NDUFA7: variants seen among roughly 807,000 people sequenced by gnomAD.
NDUFA7 encodes the protein NADH dehydrogenase [ubiquinone] 1 alpha subcomplex subunit 7.
Under a neutral mutation model 14.2 loss-of-function variants are expected in NDUFA7, and 18 were observed. That is an observed-to-expected ratio of 1.27 (90% CI 0.88 to 1.88). The LOEUF (loss-of-function observed/expected upper bound fraction) is 1.88, where lower values mean the gene tolerates loss of function less well. Ranked by LOEUF, NDUFA7 falls within the 40% of genes most tolerant of loss-of-function variation. NDUFA7 has a pLI of 0.00. For synonymous variants in NDUFA7, 75 were observed against 62.1 expected (o/e 1.21, Z -0.98); for missense variants, 172 against 147.3 (o/e 1.17, Z -0.87).
At chr19:8,310,944 G>A (rs1280937401), downstream of NDUFA7, among the ~76,000 whole-genome samples, 1 of 152,162 alleles carries the variant, frequency 6.6e-6, no homozygotes, top group Non-Finnish European at 1.5e-5. Flanking sequence ...AGCCCAGGAG[G>A]CAGAGGTTGC....
At chr19:8,312,979 T>G (rs377018184) in intron 3 of NDUFA7, among the ~76,000 whole-genome samples, 22 of 152,180 alleles carry the variant, frequency 1.4e-4, no homozygotes, top group African/African-American at 3.4e-4. Flanking sequence ...TGTATTTCAG[T>G]AGAGGCAGGG....
At chr19:8,313,097 TA>T (rs1451378435) in intron 3 of NDUFA7, among the ~76,000 whole-genome samples, 7 of 149,594 alleles carry the variant, frequency 4.7e-5, no homozygotes, top group Middle Eastern at 7.3e-3. Context: ...ATGCCCAGCC[TA>T]AAAAATTTCT....
intron 3 of NDUFA7, among the ~76,000 whole-genome samples, chr19:8,313,560 T>C (rs1484889552): frequency 6.6e-6 from 1 of 152,198 alleles, no homozygotes; most frequent in East Asian, 1.9e-4. Flanking sequence ...GAGCAGGCCC[T>C]GCCTGACCTC....
intron 2 of NDUFA7, among the ~76,000 whole-genome samples, chr19:8,318,843 C>T (rs911888973): frequency 1.3e-5 from 2 of 151,090 alleles, no homozygotes; most frequent in Admixed American, 1.3e-4. Context: ...TGGTGGTGCA[C>T]GCCTGTAGCC....
At position 8,311,475 on chromosome 19, in the gene NDUFA7, A is replaced by G. The variant is rs1347179498; in HGVS notation, c.*30T>C. 2 of 1,554,040 alleles carry G rather than the reference A, an allele frequency of 1.3e-6. No individual in the cohort carries two copies. The highest frequency in any genetic ancestry group is 3.7e-5 in the Admixed American group (2 of 53,436). On this transcript the variant is annotated 3_prime_UTR_variant, in exon 4 of 4. Coordinates refer to ENST00000301457, the MANE Select transcript of NDUFA7 (RefSeq NM_005001.5). ...TCCCTGGAGGAAATCCAAGGAGGCA[A>G]AGTAGTCGGGTGGCCGTGAGGGTGC... is the stretch of plus-strand genomic sequence containing the variant.
rs754365850 is a variant in NDUFA7 at position 8,316,648 on chromosome 19, G to A, written c.102-3C>T. 1.2e-6 allele frequency: 2 copies of A among 1,613,632 alleles called. No individual in the cohort carries two copies. The highest frequency in any genetic ancestry group is 2.7e-5 in the African/African-American group (2 of 74,888). ...GGAGCTTGGGAGGAGGCTGAGTTCT[G>A]AGGGGAAAAAAGATGAGCACTGAAG... On this transcript the variant is annotated splice_polypyrimidine_tract_variant and splice_region_variant and intron_variant, in intron 2 of 3. Coordinates refer to ENST00000301457, the MANE Select transcript of NDUFA7 (RefSeq NM_005001.5).
chr19:8,318,776 T>A lies in NDUFA7; in HGVS notation c.101+2081A>T, dbSNP rs188132977. ...ATCACGAGGTCAAGAGATCAGACCA[T>A]CCTGGCAAACATGGTGAAACCCCGT... On this transcript the variant is annotated intron_variant, in intron 2 of 3. Transcript: ENST00000301457. Among the ~76,000 whole-genome samples the A allele has an allele frequency of 6.3e-5, 9 of 142,100 alleles. No individual in the cohort carries two copies. In the East Asian group the frequency reaches 2.2e-3, roughly 35 times the overall value. 93.2% of individuals were successfully genotyped at this position (142,100 alleles called of 152,430 possible). A position where few individuals can be genotyped will look rare whatever the true frequency, so the allele number is the denominator to read the frequency against.
rs1176820610 is a variant in NDUFA7 at position 8,316,659 on chromosome 19, A to G, written c.102-14T>C. ...GGAGGCTGAGTTCTGAGGGGAAAAAAGATGAGCACTGAAGCAAAGAGACAG... is the reference window on the plus strand; with the variant it reads ...GGAGGCTGAGTTCTGAGGGGAAAAAGGATGAGCACTGAAGCAAAGAGACAG... On this transcript the variant is annotated splice_polypyrimidine_tract_variant and intron_variant, in intron 2 of 3. Coordinates refer to ENST00000301457, the MANE Select transcript of NDUFA7 (RefSeq NM_005001.5). 6.2e-7 allele frequency: 1 copy of G among 1,613,490 alleles called. No homozygotes were observed. The highest frequency in any genetic ancestry group is 1.3e-5 in the African/African-American group (1 of 75,038).
chr19:8,316,484 GGAGATCCTCACCTCTCT>G lies in NDUFA7; in HGVS notation c.246_251+11del. 6.2e-7 allele frequency: 1 copy of G among 1,613,540 alleles called. No homozygotes were observed. The highest frequency in any genetic ancestry group is 8.5e-7 in the Non-Finnish European group (1 of 1,179,800). On this transcript the variant is annotated splice_donor_variant and splice_donor_5th_base_variant and coding_sequence_variant and intron_variant, in exon 3 of 4. Transcript: ENST00000301457. LOFTEE classifies it high-confidence loss of function. ...CATGGGGGCTGTGGTGAGCAGCGCT[GGAGATCCTCACCTCTCT>G]GCTGGCTTGCCTGACACCAGCGCCT... is the stretch of plus-strand genomic sequence containing the variant.
chr19:8,313,013 T>C (rs751858337), intron 3 of NDUFA7, among the ~76,000 whole-genome samples: 7 of 152,082 alleles, frequency 4.6e-5, no homozygotes, highest in Non-Finnish European at 7.4e-5. Flanking sequence ...GCCAGGCTGG[T>C]GTCGATCTCC....
chr19:8,309,181 G>C (rs2232765), downstream of NDUFA7, among the ~76,000 whole-genome samples: 62,509 of 151,574 alleles, frequency 0.41, 13,133 homozygotes, highest in South Asian at 0.54. Flanking sequence ...GACCCCATTT[G>C]TTAGAAAAGT....
chr19:8,309,455 C>T (rs572020530), downstream of NDUFA7, among the ~76,000 whole-genome samples: 2 of 150,692 alleles, frequency 1.3e-5, no homozygotes, highest in Middle Eastern at 3.2e-3. Flanking sequence ...GCCTGGGTGA[C>T]AGAGTGAGAC....
intron 3 of NDUFA7, among the ~76,000 whole-genome samples, chr19:8,312,831 AT>A (rs1970193518): frequency 6.6e-6 from 1 of 151,870 alleles, no homozygotes; most frequent in Non-Finnish European, 1.5e-5. Context: ...CACCCGGCTA[AT>A]TTTTGTATTT....
rs1346120473 is a variant in NDUFA7 at position 8,320,757 on chromosome 19, A to G, written c.101+100T>C. 7 of 1,407,632 alleles carry G rather than the reference A, an allele frequency of 5.0e-6. No homozygotes were observed. In the African/African-American group the frequency reaches 9.9e-5, roughly 20 times the overall value. The allele number at this position is 1,407,632 out of a possible 1,614,324, so 87.2% of individuals were successfully genotyped here. On this transcript the variant is annotated intron_variant, in intron 2 of 3. Transcript: ENST00000301457. ...AGCCTGGCAGGGGACTGGTGGCAGG[A>G]TGTCAGCCCTCCGTTTCAGGGGTCT...
downstream of NDUFA7, among the ~76,000 whole-genome samples, chr19:8,309,473 CAA>C (rs531841561): frequency 9.0e-5 from 12 of 133,530 alleles, no homozygotes; most frequent in Non-Finnish European, 8.2e-5. Flanking sequence ...GACTCTGTCT[CAA>C]AAAAAAAAAA....
chr19:8,318,391 G>A (rs566289592), intron 2 of NDUFA7, among the ~76,000 whole-genome samples: 33 of 149,878 alleles, frequency 2.2e-4, no homozygotes, highest in East Asian at 6.2e-4. Context: ...CTTGTGATCC[G>A]CCTGCCTCGG....
intron 2 of NDUFA7, among the ~76,000 whole-genome samples, chr19:8,318,213 C>T (rs1970258451): frequency 1.3e-5 from 2 of 151,390 alleles, no homozygotes; most frequent in Admixed American, 1.3e-4. Flanking sequence ...TGCTGTGGTG[C>T]GATCTCGGCT....
chr19:8,316,481 G>A lies in NDUFA7; in HGVS notation c.251+15C>T, dbSNP rs909878226. ...GGGCATGGGGGCTGTGGTGAGCAGCGCTGGAGATCCTCACCTCTCTGCTGG... is the reference window on the plus strand; with the variant it reads ...GGGCATGGGGGCTGTGGTGAGCAGCACTGGAGATCCTCACCTCTCTGCTGG... On this transcript the variant is annotated intron_variant, in intron 3 of 3. Transcript: ENST00000301457. 13 of 1,613,234 alleles carry A rather than the reference G, an allele frequency of 8.1e-6. No individual in the cohort carries two copies. The highest frequency in any genetic ancestry group is 6.7e-5 in the Admixed American group (4 of 59,966).
rs893523076 is a variant in NDUFA7 at position 8,316,747 on chromosome 19, C to T, written c.102-102G>A. 2.8e-5 allele frequency: 39 copies of T among 1,415,370 alleles called. No individual in the cohort carries two copies. The African/African-American group carries it at 5.1e-4, about 19-fold the overall frequency. 87.7% of individuals were successfully genotyped at this position (1,415,370 alleles called of 1,614,324 possible). ...AGTCACAAAATGTGGGATCTACAGCCAGCCACTGGGATAAGCCACAGGCTG... is the reference window on the plus strand; with the variant it reads ...AGTCACAAAATGTGGGATCTACAGCTAGCCACTGGGATAAGCCACAGGCTG... On this transcript the variant is annotated intron_variant, in intron 2 of 3. Coordinates refer to ENST00000301457, the MANE Select transcript of NDUFA7 (RefSeq NM_005001.5).
Sources: allele counts gnomAD v4.1 joint callset (sites outside exome capture counted in the v4.1 genomes callset), GRCh38; gene constraint gnomAD v4.1.1; transcripts MANE v1.5; gene names NCBI Gene and HGNC (gene_info 2026-07-23, HGNC 2026-07-21).